The following BACE1 variants were observed in gnomAD, a reference collection of about 807,000 sequenced individuals.
BACE1 encodes the protein beta-secretase 1.
Under a neutral mutation model 54.0 loss-of-function variants are expected in BACE1, and 21 were observed. That is an observed-to-expected ratio of 0.39 (90% CI 0.28 to 0.56). BACE1 has a LOEUF of 0.56. BACE1 is among the 20% of genes least tolerant of loss of function. The pLI is 0.63. For missense variants in BACE1, 511 were observed against 661.2 expected (o/e 0.77, Z 2.49); for synonymous variants, 232 against 260.9 (o/e 0.89, Z 1.07).
In BACE1 at chr11:117,297,706, A is replaced by G. The variant is rs544210122; in HGVS notation, c.262-745T>C. Among the ~76,000 whole-genome samples the G allele has an allele frequency of 7.2e-5, 11 of 152,332 alleles. No homozygotes were observed. In the South Asian group the frequency reaches 2.1e-3, roughly 29 times the overall value. The stretch of plus-strand genomic sequence containing the variant: ...AGGCCAGTAAAAGTGGTCTTTTTAT[A>G]TGAATGAAACCTCATAGGTAACACC... On this transcript the variant is annotated intron_variant, in intron 1 of 8. Coordinates refer to ENST00000313005, the MANE Select transcript of BACE1 (RefSeq NM_012104.6).
At chr11:117,314,893 G>C (rs12802397) in intron 1 of BACE1, among the ~76,000 whole-genome samples, 1 of 152,196 alleles carries the variant, frequency 6.6e-6, no homozygotes, top group African/African-American at 2.4e-5. Flanking sequence ...CTCTGGCCTG[G>C]GGAGGTGTGG....
At chr11:117,292,812 T>C (rs2034481986) in intron 5 of BACE1, 3 of 424,960 alleles carry the variant, frequency 7.1e-6, no homozygotes, top group Non-Finnish European at 1.3e-5. Flanking sequence ...AGCAAGGCAG[T>C]GACTAGAGTC....
At position 117,296,920 on chromosome 11, in the gene BACE1, C is replaced by G; in HGVS notation, c.303G>C (p.Val101=). Residue 101 remains valine, a synonymous_variant, in exon 2 of 9, where the codon GTG becomes GTC. Transcript: ENST00000313005. ...GCAGGAAGGGGTGGGGGGCAGCACC[C>G]ACTGCAAAGTTACTGCTGCCTGTAT... is the stretch of plus-strand genomic sequence containing the variant. ...LVDTGSSNFA[V]GAAPHPFLHR... is the part of the protein sequence containing the mutation. The G allele has an allele frequency of 3.7e-6, 6 of 1,613,822 alleles. No individual in the cohort carries two copies. The highest frequency in any genetic ancestry group is 5.1e-6 in the Non-Finnish European group (6 of 1,179,892).
intron 1 of BACE1, among the ~76,000 whole-genome samples, chr11:117,303,834 CT>C: frequency 6.6e-6 from 1 of 152,188 alleles, no homozygotes; most frequent in East Asian, 1.9e-4. Context: ...CATAACAAGG[CT>C]TTCAGCTAAA....
chr11:117,310,577 C>G, intron 1 of BACE1, among the ~76,000 whole-genome samples: 1 of 152,200 alleles, frequency 6.6e-6, no homozygotes, highest in Middle Eastern at 3.4e-3. Context: ...CCTGCCACCA[C>G]GCCTGGCTAA....
chr11:117,315,093 CCTGGAGGTA>C lies in BACE1; in HGVS notation c.261+433_261+441del, dbSNP rs2035061078. On this transcript the variant is annotated intron_variant, in intron 1 of 8. Transcript: ENST00000313005. This position sits in a 1 kb window ranked among gnomAD's most constrained non-coding sequence, Gnocchi z 5.5. ...TCAACTGCTGCCAGGATTCCTTGGT[CCTGGAGGTA>C]CTGGGAACAATGGTGGGAATCAGAG... is the stretch of plus-strand genomic sequence containing the variant. Among the ~76,000 whole-genome samples the C allele has an allele frequency of 6.6e-6, 1 of 152,126 alleles. No individual in the cohort carries two copies. The highest frequency in any genetic ancestry group is 2.4e-5 in the African/African-American group (1 of 41,424).
chr11:117,315,403 G>A lies in BACE1; in HGVS notation c.261+132C>T. 1.6e-6 allele frequency: 2 copies of A among 1,256,974 alleles called. No individual in the cohort carries two copies. Among genetic ancestry groups the A allele is most frequent in the Non-Finnish European group, 2.1e-6 (2 of 940,468 alleles). 77.9% of individuals were successfully genotyped at this position (1,256,974 alleles called of 1,614,324 possible). ...TGCCAACAACCACGTGACCCCCGGG[G>A]AATGGCTGGGGAGGGGTCCCTCCTG... On this transcript the variant is annotated intron_variant, in intron 1 of 8. Transcript: ENST00000313005. This position sits in a 1 kb window ranked among gnomAD's most constrained non-coding sequence, Gnocchi z 5.5.
Position 117,308,711 on chromosome 11 carries a change from A to T in BACE1, c.261+6824T>A, listed in dbSNP as rs191014636. 3.3e-5 allele frequency among the ~76,000 whole-genome samples: 5 copies of T among 152,192 alleles called. No individual in the cohort carries two copies. The East Asian group carries it at 7.7e-4, about 24-fold the overall frequency. ...ATACCTGTAATCCTAAGACTTTGGG[A>T]GGCTGAGGCGGGCGGTCACTTGAGG... On this transcript the variant is annotated intron_variant, in intron 1 of 8. Transcript: ENST00000313005.
rs201261941 is a variant in BACE1, at chr11:117,315,741, C to T, written c.55G>A (p.Ala19Thr). The change falls in exon 1 of 9, where the codon GCC becomes ACC. Residue 19 changes from alanine to threonine, a missense_variant. Around this residue, in one of 2 missense-constraint regions of BACE1, gnomAD observed 104 missense variants for 95.5 expected, o/e 1.09. Coordinates refer to ENST00000313005, the MANE Select transcript of BACE1 (RefSeq NM_012104.6). The surrounding 1 kb of genome is among the most constrained non-coding windows in gnomAD (Gnocchi z 5.5). ...LLWMGAGVLP[A>T]HGTQHGIRLP... ...CGGATGCCGTGCTGGGTGCCGTGGG[C>T]AGGCAGCACTCCCGCGCCCATCCAC... The T allele has an allele frequency of 1.5e-4, 217 of 1,474,350 alleles. No individual in the cohort carries two copies. In the African/African-American group the frequency reaches 2.8e-3, roughly 19 times the overall value. 91.3% of individuals were successfully genotyped at this position (1,474,350 alleles called of 1,614,324 possible).
intron 6 of BACE1, among the ~76,000 whole-genome samples, chr11:117,291,381 G>A (rs1483875394): frequency 6.6e-6 from 1 of 151,824 alleles, no homozygotes; most frequent in East Asian, 1.9e-4. Context: ...GAGTTAAAGT[G>A]ATTCTCCTGT....
rs1222563765 is a variant in BACE1, at chr11:117,295,127, T to C, written c.567+4A>G. 1 of 1,613,652 alleles carries C rather than the reference T, an allele frequency of 6.2e-7. No homozygotes were observed. Among genetic ancestry groups the C allele is most frequent in the Non-Finnish European group, 8.5e-7 (1 of 1,179,652 alleles). On this transcript the variant is annotated splice_donor_region_variant and intron_variant, in intron 3 of 8. Coordinates refer to ENST00000313005, the MANE Select transcript of BACE1 (RefSeq NM_012104.6). ...TGTGTAGGGCCAAGCCCTGTTCCTC[T>C]CACCCTGGCAATCTCAGCATAGGCC...
In BACE1 at chr11:117,302,956, C is replaced by T. The variant is rs1040647215; in HGVS notation, c.262-5995G>A. The stretch of plus-strand genomic sequence containing the variant: ...CACTGAATCTCACCTCCCCTCATAT[C>T]GAATTTAAAACTATTAAAATGTCTT... On this transcript the variant is annotated intron_variant, in intron 1 of 8. Transcript: ENST00000313005. Among the ~76,000 whole-genome samples, 7 of 152,278 alleles carry T rather than the reference C, an allele frequency of 4.6e-5. No homozygotes were observed. The East Asian group carries it at 1.2e-3, about 25-fold the overall frequency.
At chr11:117,292,945 G>A (rs2034487752) in intron 5 of BACE1, 109 bp downstream of exon 5, 1 of 1,331,944 alleles carries the variant, frequency 7.5e-7, no homozygotes, top group Non-Finnish European at 1.0e-6. Flanking sequence ...AACCCTTTCT[G>A]CAGGTCCTAT....
Position 117,288,179 on chromosome 11 carries a change from G to A in BACE1, c.*1387C>T, listed in dbSNP as rs1438441926. The A allele has an allele frequency of 1.3e-5, 2 of 152,374 alleles. No homozygotes were observed. The highest frequency in any genetic ancestry group is 2.4e-5 in the African/African-American group (1 of 41,460). 9.4% of individuals were successfully genotyped at this position (152,374 alleles called of 1,614,324 possible). On this transcript the variant is annotated 3_prime_UTR_variant, in exon 9 of 9. Transcript: ENST00000313005. Reference sequence around the variant, plus strand: ...TTCATCAAGGAGCTCTTGTGGTGGAGGACATAAGGAAGCCCTGAGGCTGCC... The same window carrying A: ...TTCATCAAGGAGCTCTTGTGGTGGAAGACATAAGGAAGCCCTGAGGCTGCC...
intron 1 of BACE1, among the ~76,000 whole-genome samples, chr11:117,308,153 C>T (rs2034872662): frequency 6.6e-6 from 1 of 152,026 alleles, no homozygotes; most frequent in Non-Finnish European, 1.5e-5. Context: ...CAGAACCCTG[C>T]CAAGCAGGGA....
At position 117,289,789 on chromosome 11, in the gene BACE1, G is replaced by A. The variant is rs930685014; in HGVS notation, c.1283C>T (p.Thr428Met). 5 of 1,613,996 alleles carry A rather than the reference G, an allele frequency of 3.1e-6. No individual in the cohort carries two copies. The highest frequency in any genetic ancestry group is 2.2e-5 in the East Asian group (1 of 44,886). ...SACHVHDEFR[T>M]AAVEGPFVTL... is the part of the protein sequence containing the mutation. ...GACAAAAGGGCCTTCCACCGCTGCC[G>A]TCCTGAACTCATCGTGCACTGGGGA... Residue 428 changes from threonine to methionine, a missense_variant, in exon 9 of 9, where the codon ACG becomes ATG. Thr to Met is a moderately conservative substitution (Grantham distance 81). Transcript: ENST00000313005.
intron 1 of BACE1, among the ~76,000 whole-genome samples, chr11:117,311,595 T>A (rs2034944060): frequency 6.6e-6 from 1 of 152,204 alleles, no homozygotes; most frequent in Non-Finnish European, 1.5e-5. Context: ...ACACCTGGAC[T>A]GTTGTGACAG....
At chr11:117,301,789 C>T (rs1327375713) in intron 1 of BACE1, among the ~76,000 whole-genome samples, 1 of 152,184 alleles carries the variant, frequency 6.6e-6, no homozygotes, top group African/African-American at 2.4e-5. Flanking sequence ...CTATCCAGTG[C>T]ATCAACAAGT....
intron 1 of BACE1, among the ~76,000 whole-genome samples, chr11:117,309,709 T>C (rs2034905469): frequency 6.6e-6 from 1 of 152,242 alleles, no homozygotes; most frequent in Admixed American, 6.5e-5. Context: ...ATTATGTCTA[T>C]GTCTCACATC....
Sources: gnomAD v4.1 joint callset for allele counts (sites outside exome capture counted in the v4.1 genomes callset) on GRCh38, gnomAD v4.1.1 for gene constraint, gnomAD v4.1.1 regional missense constraint, Gnocchi (gnomAD v3.1) non-coding constraint, MANE v1.5 for transcripts, NCBI Gene and HGNC (gene_info 2026-07-23, HGNC 2026-07-21) for gene names.